Variants in RIMS1 observed in about 807,000 individuals in gnomAD.
RIMS1 encodes regulating synaptic membrane exocytosis protein 1.
RIMS1 carries 83 observed loss-of-function variants against 214.1 expected under a neutral mutation model. That is an observed-to-expected ratio of 0.39 (90% CI 0.32 to 0.47). The LOEUF is 0.47. Ranked by LOEUF, RIMS1 falls within the 20% of genes least tolerant of loss-of-function variation. The probability of loss-of-function intolerance (pLI) is 0.99; values close to 1 mark genes in which losing one functional copy is unlikely to be tolerated. For synonymous variants in RIMS1, 793 were observed against 786.8 expected, an observed-to-expected ratio of 1.01 and a Z score of -0.13; for missense variants, 2,050 against 2,161.8, an observed-to-expected ratio of 0.95 and a Z score of 1.03.
chr6:71,897,955 GA>G (rs1772361739), intron 1 of RIMS1, among the ~76,000 whole-genome samples: 1 of 152,144 alleles, frequency 6.6e-6, no homozygotes, highest in African/African-American at 2.4e-5. Context: ...AGCAAATTTT[GA>G]AAACAAGAAG....
intron 31 of RIMS1, among the ~76,000 whole-genome samples, chr6:72,394,388 G>A (rs762520513): frequency 1.3e-5 from 2 of 152,074 alleles, no homozygotes; most frequent in African/African-American, 2.4e-5. Flanking sequence ...TATGCATAAG[G>A]TTACATAGTC....
intron 29 of RIMS1, among the ~76,000 whole-genome samples, chr6:72,390,212 A>G (rs1024968654): frequency 9.2e-5 from 14 of 152,308 alleles, no homozygotes; most frequent in Middle Eastern, 3.4e-3. Context: ...GTCCTTTGGG[A>G]CTATTCATAC....
At chr6:71,925,999 A>G (rs1582787917) in intron 1 of RIMS1, among the ~76,000 whole-genome samples, 1 of 152,236 alleles carries the variant, frequency 6.6e-6, no homozygotes, top group African/African-American at 2.4e-5. Context: ...CACCCAGCAT[A>G]TCAAAAAACA....
At chr6:72,304,402 TAG>T (rs1273359466) in intron 26 of RIMS1, among the ~76,000 whole-genome samples, 2 of 151,830 alleles carry the variant, frequency 1.3e-5, no homozygotes, top group Non-Finnish European at 3.0e-5. Flanking sequence ...ACTAAGATAC[TAG>T]AGAGACAGTC....
chr6:72,059,318 T>G (rs1312232728), intron 2 of RIMS1, among the ~76,000 whole-genome samples: 1 of 152,152 alleles, frequency 6.6e-6, no homozygotes, highest in Non-Finnish European at 1.5e-5. Flanking sequence ...CCTTGACCTC[T>G]TGGGCTCAAG....
At chr6:72,366,732 T>C (rs1444526011) in intron 29 of RIMS1, 2 of 985,670 alleles carry the variant, frequency 2.0e-6, no homozygotes, top group Non-Finnish European at 2.4e-6. Flanking sequence ...GAGAAGACAG[T>C]TCACAGGCAG....
chr6:72,301,184 G>A (rs2094567114), intron 26 of RIMS1, among the ~76,000 whole-genome samples: 1 of 151,568 alleles, frequency 6.6e-6, no homozygotes, highest in Non-Finnish European at 1.5e-5. Flanking sequence ...CAAGAGAAAA[G>A]GATGTTATAA....
intron 6 of RIMS1, among the ~76,000 whole-genome samples, chr6:72,200,134 A>G (rs1177467415): frequency 2.6e-5 from 4 of 152,106 alleles, no homozygotes; most frequent in Non-Finnish European, 5.9e-5. Flanking sequence ...GGGGCCTTCC[A>G]TAATTGGTAT....
intron 1 of RIMS1, among the ~76,000 whole-genome samples, chr6:71,917,019 T>C (rs1778626243): frequency 6.6e-6 from 1 of 152,114 alleles, no homozygotes; most frequent in South Asian, 2.1e-4. Flanking sequence ...TTCCAGTGTT[T>C]GAAAAAAGAC....
intron 4 of RIMS1, among the ~76,000 whole-genome samples, chr6:72,120,448 T>G (rs1189453477): frequency 6.6e-6 from 1 of 152,036 alleles, no homozygotes; most frequent in Non-Finnish European, 1.5e-5. Flanking sequence ...TGCATAAACG[T>G]CTTCTTTTGA....
At chr6:72,203,633 T>A (rs2052419027) in intron 6 of RIMS1, among the ~76,000 whole-genome samples, 1 of 152,190 alleles carries the variant, frequency 6.6e-6, no homozygotes, top group African/African-American at 2.4e-5. Context: ...TATGTACTTT[T>A]AAAATTATCT....
intron 2 of RIMS1, among the ~76,000 whole-genome samples, chr6:72,003,671 T>C (rs1806195756): frequency 1.3e-5 from 2 of 152,006 alleles, no homozygotes; most frequent in South Asian, 2.1e-4. Context: ...GTAGACTCTC[T>C]ACCTAAAGTA....
intron 6 of RIMS1, among the ~76,000 whole-genome samples, chr6:72,197,080 T>A (rs183346429): frequency 2.6e-5 from 4 of 152,190 alleles, no homozygotes; most frequent in Admixed American, 2.6e-4. Flanking sequence ...AAAAATCAGA[T>A]ACTAGGAGTA....
rs925859682 is a variant in RIMS1, at chr6:72,196,580, C to T, written c.1678+13431C>T. 1.8e-3 allele frequency among the ~76,000 whole-genome samples: 101 copies of T among 57,218 alleles called. 1 individual carries two copies. The highest frequency in any genetic ancestry group is 5.4e-3 in the East Asian group (9 of 1,670). 37.5% of individuals were successfully genotyped at this position (57,218 alleles called of 152,430 possible). ...AGTACTGTGCTGGCAGCCAGCTGCA[C>T]TTTTTTTTTTTTTTTTTTTTTTTAC... On this transcript the variant is annotated intron_variant, in intron 6 of 33. Coordinates refer to ENST00000521978, the MANE Select transcript of RIMS1 (RefSeq NM_014989.7).
chr6:72,105,228 C>T (rs992451660), intron 4 of RIMS1, among the ~76,000 whole-genome samples: 1 of 152,156 alleles, frequency 6.6e-6, no homozygotes, highest in Non-Finnish European at 1.5e-5. Context: ...GCCACCACAG[C>T]AGTCTTTTTA....
At chr6:72,070,442 A>G (rs1484353787) in intron 2 of RIMS1, among the ~76,000 whole-genome samples, 1 of 152,214 alleles carries the variant, frequency 6.6e-6, no homozygotes, top group Non-Finnish European at 1.5e-5. Flanking sequence ...TCAACAAAAT[A>G]TCATTATATG....
At chr6:72,023,991 CTG>C (rs1815556398) in intron 2 of RIMS1, among the ~76,000 whole-genome samples, 1 of 152,040 alleles carries the variant, frequency 6.6e-6, no homozygotes, top group African/African-American at 2.4e-5. Context: ...GAGGAGAAGA[CTG>C]TGTCTTAATG....
In RIMS1 at chr6:72,152,594, T is replaced by C. The variant is rs185612320; in HGVS notation, c.472-26981T>C. On this transcript the variant is annotated intron_variant, in intron 4 of 33. Coordinates refer to ENST00000521978, the MANE Select transcript of RIMS1 (RefSeq NM_014989.7). ...GTATGTGCATGTGCTTGTAAATATGTGCTTGCATGTGTTTGATATTATCAC... is the reference window on the plus strand; with the variant it reads ...GTATGTGCATGTGCTTGTAAATATGCGCTTGCATGTGTTTGATATTATCAC... Among the ~76,000 whole-genome samples the C allele has an allele frequency of 1.1e-4, 17 of 151,958 alleles. No homozygotes were observed. In the East Asian group the frequency reaches 3.1e-3, roughly 28 times the overall value.
intron 29 of RIMS1, among the ~76,000 whole-genome samples, chr6:72,361,307 T>C (rs1211209301): frequency 1.3e-5 from 2 of 151,738 alleles, no homozygotes; most frequent in East Asian, 1.9e-4. Flanking sequence ...GGTTTCACCA[T>C]GTTGGCCAGG....
Sources: allele counts gnomAD v4.1 joint callset (sites outside exome capture counted in the v4.1 genomes callset), GRCh38; gene constraint gnomAD v4.1.1; transcripts MANE v1.5; gene names NCBI Gene and HGNC (gene_info 2026-07-23, HGNC 2026-07-21).